The following GRM5 variants were observed in gnomAD, a reference collection of about 807,000 sequenced individuals.
The protein encoded by GRM5 is glutamate metabotropic receptor 5, also known as metabotropic glutamate receptor 5.
Under a neutral mutation model 83.1 loss-of-function variants are expected in GRM5, and 19 were observed. The ratio of observed to expected loss-of-function variants is 0.23; its 90% CI spans 0.16 to 0.34. The LOEUF (loss-of-function observed/expected upper bound fraction) is 0.34. Ranked by LOEUF, GRM5 falls within the 10% of genes least tolerant of loss-of-function variation. GRM5 has a pLI of 1.00. For missense variants in GRM5, 1,160 were observed against 1,588.3 expected, an observed-to-expected ratio of 0.73 and a Z score of 4.58; for synonymous variants, 675 against 633.6, an observed-to-expected ratio of 1.07 and a Z score of -0.98.
chr11:88,908,034 A>G (rs1945433514), intron 2 of GRM5, among the ~76,000 whole-genome samples: 2 of 152,184 alleles, frequency 1.3e-5, no homozygotes, highest in Admixed American at 1.3e-4. Flanking sequence ...TTATAAAACA[A>G]TTCCACAGAA....
At chr11:88,736,022 A>G (rs373325390) in intron 3 of GRM5, among the ~76,000 whole-genome samples, 1 of 152,200 alleles carries the variant, frequency 6.6e-6, no homozygotes, top group African/African-American at 2.4e-5. Flanking sequence ...TCTCGAAGTT[A>G]GACAATCATT....
intron 3 of GRM5, among the ~76,000 whole-genome samples, chr11:88,842,161 A>G (rs546006001): frequency 2.0e-5 from 3 of 152,248 alleles, no homozygotes; most frequent in South Asian, 4.1e-4. Flanking sequence ...ATAAAATAGT[A>G]TATGTAAATA....
chr11:88,748,374 C>T (rs1285376096), intron 3 of GRM5, among the ~76,000 whole-genome samples: 2 of 152,098 alleles, frequency 1.3e-5, no homozygotes, highest in South Asian at 2.1e-4. Flanking sequence ...TTCCATGTCA[C>T]CTCACAAGTT....
At chr11:88,990,772 T>C (rs1158592076) in intron 2 of GRM5, among the ~76,000 whole-genome samples, 4 of 151,640 alleles carry the variant, frequency 2.6e-5, no homozygotes, top group Non-Finnish European at 4.4e-5. Context: ...CACATGATTA[T>C]CTCAATAGAT....
chr11:88,828,426 T>C lies in GRM5; in HGVS notation c.911+21480A>G, dbSNP rs563780203. On this transcript the variant is annotated intron_variant, in intron 3 of 9. Transcript: ENST00000305447. ...TCTTATTTGTTCTAATTTGGGCATA[T>C]ATATATTTTTCTTTAAAGTGTTTAC... 4.6e-5 allele frequency among the ~76,000 whole-genome samples: 7 copies of C among 152,322 alleles called. No individual in the cohort carries two copies. In the South Asian group the frequency reaches 1.5e-3, roughly 32 times the overall value.
chr11:88,638,295 T>A (rs1276258162), intron 4 of GRM5, among the ~76,000 whole-genome samples: 2 of 152,016 alleles, frequency 1.3e-5, no homozygotes, highest in Non-Finnish European at 2.9e-5. Flanking sequence ...CCCTAAAACT[T>A]GAAGTATAAT....
intron 9 of GRM5, among the ~76,000 whole-genome samples, chr11:88,514,998 T>G (rs938700218): frequency 2.0e-5 from 3 of 152,150 alleles, no homozygotes; most frequent in African/African-American, 7.2e-5. Context: ...ACCAGGCATT[T>G]AATCCCTAAT....
intron 2 of GRM5, among the ~76,000 whole-genome samples, chr11:88,947,943 G>A (rs1938334789): frequency 6.6e-6 from 1 of 152,132 alleles, no homozygotes; most frequent in Admixed American, 6.6e-5. Context: ...GTCGCAAATT[G>A]GATAGTGTAG....
chr11:88,746,102 C>T (rs1245623759), intron 3 of GRM5, among the ~76,000 whole-genome samples: 1 of 152,062 alleles, frequency 6.6e-6, no homozygotes, highest in Non-Finnish European at 1.5e-5. Flanking sequence ...TGCTAATCAC[C>T]CTTGAATAAT....
At chr11:89,061,377 T>C (rs1370742350) in intron 1 of GRM5, among the ~76,000 whole-genome samples, 1 of 152,162 alleles carries the variant, frequency 6.6e-6, no homozygotes, top group Admixed American at 6.6e-5. Flanking sequence ...TTAATTTAGT[T>C]TCTCTAACCA....
At chr11:88,776,995 G>A (rs549545554) in intron 3 of GRM5, among the ~76,000 whole-genome samples, 2 of 152,272 alleles carry the variant, frequency 1.3e-5, no homozygotes, top group South Asian at 4.1e-4. Context: ...TGCCTTGCTA[G>A]GTTGGGGAAG....
chr11:88,563,797 C>G (rs905993835), intron 8 of GRM5, among the ~76,000 whole-genome samples: 2 of 152,094 alleles, frequency 1.3e-5, no homozygotes, highest in African/African-American at 2.4e-5. Context: ...AGCTGAAGTG[C>G]GGTGAACCAT....
intron 3 of GRM5, among the ~76,000 whole-genome samples, chr11:88,732,920 T>C (rs1469934042): frequency 6.6e-6 from 1 of 152,030 alleles, no homozygotes; most frequent in Non-Finnish European, 1.5e-5. Context: ...ATTAAGACTC[T>C]TGCCAAAGAA....
intron 3 of GRM5, among the ~76,000 whole-genome samples, chr11:88,759,394 A>T (rs1942463599): frequency 6.6e-6 from 1 of 152,166 alleles, no homozygotes. Context: ...TACCAAGCAA[A>T]CAGAAAACAG....
chr11:88,549,230 A>G (rs1942449093), intron 8 of GRM5, among the ~76,000 whole-genome samples: 1 of 152,058 alleles, frequency 6.6e-6, no homozygotes, highest in African/African-American at 2.4e-5. Context: ...TTGGGAGACC[A>G]GGGAGGGTGG....
chr11:88,695,447 T>G (rs1940878965), intron 3 of GRM5, among the ~76,000 whole-genome samples: 1 of 152,180 alleles, frequency 6.6e-6, no homozygotes, highest in Non-Finnish European at 1.5e-5. Flanking sequence ...CTACTTTGTG[T>G]GATATTACTT....
intron 3 of GRM5, among the ~76,000 whole-genome samples, chr11:88,689,022 T>A (rs1324152827): frequency 2.0e-5 from 3 of 152,068 alleles, no homozygotes; most frequent in Admixed American, 2.0e-4. Flanking sequence ...ATTAAAAAAT[T>A]AATAACGTAA....
rs764983018 is a variant in GRM5, at chr11:88,508,564, C to T, written c.*28G>A. On this transcript the variant is annotated 3_prime_UTR_variant, in exon 10 of 10. Coordinates refer to ENST00000305447, the MANE Select transcript of GRM5 (RefSeq NM_001143831.3). The surrounding 1 kb of genome is among the most constrained non-coding windows in gnomAD (Gnocchi z 4.2). The stretch of plus-strand genomic sequence containing the variant: ...AACACGGGGGGCTCCGCTCCGCACG[C>T]GCAGGCCGGCGTGCTTTCCAGGGAC... 1.3e-6 allele frequency: 2 copies of T among 1,587,282 alleles called. No individual in the cohort carries two copies. Among genetic ancestry groups the T allele is most frequent in the Non-Finnish European group, 1.7e-6 (2 of 1,160,394 alleles).
At chr11:88,835,893 A>G (rs1405839403) in intron 3 of GRM5, among the ~76,000 whole-genome samples, 4 of 152,192 alleles carry the variant, frequency 2.6e-5, no homozygotes, top group Non-Finnish European at 5.9e-5. Flanking sequence ...ATTATGTTCC[A>G]GGATGTTGAA....
Sources: gnomAD v4.1 joint callset for allele counts (sites outside exome capture counted in the v4.1 genomes callset) on GRCh38, gnomAD v4.1.1 for gene constraint, Gnocchi (gnomAD v3.1) non-coding constraint, MANE v1.5 for transcripts, NCBI Gene and HGNC (gene_info 2026-07-23, HGNC 2026-07-21) for gene names.